EPHA3: variants seen among roughly 807,000 people sequenced by gnomAD.
EPHA3 encodes the protein EPH receptor A3.
In EPHA3, 42 loss-of-function variants were observed where a neutral mutation model predicts 107.1. That is an observed-to-expected ratio of 0.39 (90% CI 0.31 to 0.51). The LOEUF (loss-of-function observed/expected upper bound fraction) is 0.51, where lower values mean the gene tolerates loss of function less well. Ranked by LOEUF, EPHA3 falls within the 20% of genes least tolerant of loss-of-function variation. EPHA3 has a pLI of 0.78. For synonymous variants in EPHA3, 461 were observed against 424.8 expected, an observed-to-expected ratio of 1.09 and a Z score of -1.05; for missense variants, 1,183 against 1,211.2, an observed-to-expected ratio of 0.98 and a Z score of 0.35.
chr3:89,281,953 G>A (rs1413844817), intron 3 of EPHA3, among the ~76,000 whole-genome samples: 2 of 152,110 alleles, frequency 1.3e-5, no homozygotes, highest in Non-Finnish European at 2.9e-5. Flanking sequence ...TAGTTATTGG[G>A]CTGATGTGTC....
At chr3:89,243,740 G>T (rs1704966237) in intron 3 of EPHA3, among the ~76,000 whole-genome samples, 2 of 152,018 alleles carry the variant, frequency 1.3e-5, no homozygotes, top group Non-Finnish European at 1.5e-5. Context: ...AGTTTCTTTT[G>T]CTGTGCAGAA....
At chr3:89,275,992 A>T (rs1302594172) in intron 3 of EPHA3, among the ~76,000 whole-genome samples, 1 of 152,058 alleles carries the variant, frequency 6.6e-6, no homozygotes, top group Non-Finnish European at 1.5e-5. Context: ...TGTCTGAACT[A>T]GAACCAGCAG....
rs1471593491 is a variant in EPHA3 at position 89,352,219 on chromosome 3, A to G, written c.1306+10129A>G. On this transcript the variant is annotated intron_variant, in intron 5 of 16. Coordinates refer to ENST00000336596, the MANE Select transcript of EPHA3 (RefSeq NM_005233.6). ...TATCTACTTAATTTGATGATCAAAGACAACCTCCTTCTTTTCCCCTTAGAT... is the reference window on the plus strand; with the variant it reads ...TATCTACTTAATTTGATGATCAAAGGCAACCTCCTTCTTTTCCCCTTAGAT... Among the ~76,000 whole-genome samples, 6 of 151,376 alleles carry G rather than the reference A, an allele frequency of 4.0e-5. 1 individual carries two copies. The highest frequency in any genetic ancestry group is 5.9e-5 in the Non-Finnish European group (4 of 67,632).
intron 5 of EPHA3, among the ~76,000 whole-genome samples, chr3:89,375,075 G>C (rs1055596553): frequency 1.3e-5 from 2 of 151,788 alleles, no homozygotes; most frequent in African/African-American, 2.4e-5. Flanking sequence ...TTGTGTATGT[G>C]TGTGTGTTAG....
Position 89,176,247 on chromosome 3 carries a change from G to A in EPHA3, c.154-33613G>A, listed in dbSNP as rs112018800. On this transcript the variant is annotated intron_variant, in intron 2 of 16. Coordinates refer to ENST00000336596, the MANE Select transcript of EPHA3 (RefSeq NM_005233.6). ...CTGTAATCACAGCACTTCAGGAGGC[G>A]GAGGCAGGAGGATCACCTGCGGTCA... Among the ~76,000 whole-genome samples the A allele has an allele frequency of 6.1e-3, 931 of 151,976 alleles. 10 individuals are homozygous for A. Among genetic ancestry groups the A allele is most frequent in the African/African-American group, 0.021 (883 of 41,454 alleles).
chr3:89,218,784 C>T (rs1056935484), intron 3 of EPHA3, among the ~76,000 whole-genome samples: 6 of 152,126 alleles, frequency 3.9e-5, no homozygotes, highest in Admixed American at 2.6e-4. Flanking sequence ...AATGAGATAC[C>T]ATCTCTCACC....
intron 3 of EPHA3, among the ~76,000 whole-genome samples, chr3:89,244,250 G>A (rs1704978916): frequency 6.6e-6 from 1 of 151,826 alleles, no homozygotes; most frequent in South Asian, 2.1e-4. Flanking sequence ...TAGGTTACCA[G>A]GAATATTAAT....
At chr3:89,208,458 G>GAAAGAAAGAAAGAAAGAAAGAA (rs1706172312) in intron 2 of EPHA3, among the ~76,000 whole-genome samples, 1 of 113,886 alleles carries the variant, frequency 8.8e-6, no homozygotes, top group African/African-American at 4.2e-5. Context: ...AAGAAAGAAA[G>GAAAGAAAGAAAGAAAGAAAGAA]AAAGAAAGAA....
intron 5 of EPHA3, among the ~76,000 whole-genome samples, chr3:89,356,928 C>A (rs551084337): frequency 6.7e-6 from 1 of 149,386 alleles, no homozygotes; most frequent in Non-Finnish European, 1.5e-5. Context: ...CATGGTGAAA[C>A]CCTGTCTCTA....
intron 5 of EPHA3, among the ~76,000 whole-genome samples, chr3:89,380,887 G>A (rs1293535521): frequency 1.3e-5 from 2 of 151,758 alleles, no homozygotes; most frequent in Non-Finnish European, 2.9e-5. Context: ...GCCTGCCTCA[G>A]CCTCCCAAGT....
rs141416755 is a variant in EPHA3 at position 89,292,872 on chromosome 3, C to T, written c.815-48044C>T. ...ATTTCTTTTGGATAATTATGGAAGA[C>T]TGGGCTGGCTAAATCATGTGACTTT... On this transcript the variant is annotated intron_variant, in intron 3 of 16. Transcript: ENST00000336596. Among the ~76,000 whole-genome samples the T allele has an allele frequency of 5.3e-3, 802 of 152,282 alleles. 6 individuals carry two copies. Among genetic ancestry groups the T allele is most frequent in the African/African-American group, 0.016 (664 of 41,560 alleles).
chr3:89,335,000 C>T (rs1316126113), intron 3 of EPHA3, among the ~76,000 whole-genome samples: 1 of 152,122 alleles, frequency 6.6e-6, no homozygotes, highest in Non-Finnish European at 1.5e-5. Context: ...CTTGCAACTC[C>T]AATTCTCAGG....
chr3:89,422,334 C>T (rs538722424), intron 11 of EPHA3, among the ~76,000 whole-genome samples: 284 of 150,304 alleles, frequency 1.9e-3, no homozygotes, highest in African/African-American at 6.7e-3. Context: ...TCAGAAAGCA[C>T]ATCTATACAT....
intron 3 of EPHA3, among the ~76,000 whole-genome samples, chr3:89,275,620 C>T (rs1184859609): frequency 1.3e-5 from 2 of 152,022 alleles, no homozygotes; most frequent in Non-Finnish European, 1.5e-5. Context: ...CTCACTGCCA[C>T]CAGATTCTTT....
At chr3:89,401,801 G>T (rs1708970101) in intron 7 of EPHA3, among the ~76,000 whole-genome samples, 2 of 151,960 alleles carry the variant, frequency 1.3e-5, no homozygotes, top group Non-Finnish European at 2.9e-5. Context: ...AGTATAGATG[G>T]GGTTTCACCA....
Position 89,418,941 on chromosome 3 carries a change from A to G in EPHA3, c.1889-264A>G, listed in dbSNP as rs187129114. On this transcript the variant is annotated intron_variant, in intron 10 of 16. Transcript: ENST00000336596. ...GCTTTCAACTTATCTCTCCTTTTAC[A>G]TTACATTATTTATAGTGTCGTACTT... is the stretch of plus-strand genomic sequence containing the variant. Among the ~76,000 whole-genome samples the G allele has an allele frequency of 9.5e-3, 1,441 of 151,516 alleles. 26 individuals are homozygous for G. The highest frequency in any genetic ancestry group is 0.033 in the African/African-American group (1,377 of 41,428).
At chr3:89,306,465 T>A (rs1479188815) in intron 3 of EPHA3, among the ~76,000 whole-genome samples, 1 of 152,176 alleles carries the variant, frequency 6.6e-6, no homozygotes, top group Non-Finnish European at 1.5e-5. Flanking sequence ...ATGTTAACAG[T>A]GGCTTTCAGA....
At chr3:89,445,707 A>G (rs2107550002) in intron 13 of EPHA3, among the ~76,000 whole-genome samples, 2 of 152,352 alleles carry the variant, frequency 1.3e-5, no homozygotes, top group Admixed American at 1.3e-4. Context: ...TTAAGAGACA[A>G]AAAGGAAAAG....
At chr3:89,207,797 C>T (rs1288779351) in intron 2 of EPHA3, among the ~76,000 whole-genome samples, 1 of 151,628 alleles carries the variant, frequency 6.6e-6, no homozygotes, top group East Asian at 1.9e-4. Flanking sequence ...TGTTGTATTC[C>T]CATGAATAAC....
Sources: gnomAD v4.1 joint callset for allele counts (sites outside exome capture counted in the v4.1 genomes callset) on GRCh38, gnomAD v4.1.1 for gene constraint, MANE v1.5 for transcripts, NCBI Gene and HGNC (gene_info 2026-07-23, HGNC 2026-07-21) for gene names.